Variants in PRKCZ observed in about 807,000 individuals in gnomAD.
PRKCZ encodes the protein protein kinase C zeta.
In PRKCZ, 33 loss-of-function variants were observed where a neutral mutation model predicts 79.5. That is an observed-to-expected ratio of 0.41 (90% CI 0.31 to 0.55). PRKCZ has a LOEUF of 0.55. Among genes scored for constraint, PRKCZ ranks in the 20% least tolerant of loss-of-function variants. PRKCZ has a pLI of 0.19. For missense variants in PRKCZ, 578 were observed against 813.5 expected, an observed-to-expected ratio of 0.71 and a Z score of 3.52; for synonymous variants, 342 against 320.9, an observed-to-expected ratio of 1.07 and a Z score of -0.70.
chr1:2,171,989 A>G (rs1000602080), intron 11 of PRKCZ, 66 bp from the exon 12 acceptor site: 1 of 1,523,918 alleles, frequency 6.6e-7, no homozygotes, highest in African/African-American at 1.4e-5. Flanking sequence ...TGTGGCCCCC[A>G]GGCTGGAGCT....
chr1:2,090,814 A>G (rs568527719), intron 4 of PRKCZ, among the ~76,000 whole-genome samples: 1 of 152,306 alleles, frequency 6.6e-6, no homozygotes, highest in Non-Finnish European at 1.5e-5. Flanking sequence ...TGGTTTTAAC[A>G]TTTGGTTTAC....
At position 2,167,556 on chromosome 1, in the gene PRKCZ, C is replaced by CA. The variant is rs1167621980; in HGVS notation, c.975-1956dup. Among the ~76,000 whole-genome samples, 5 of 152,170 alleles carry CA rather than the reference C, an allele frequency of 3.3e-5. No individual in the cohort carries two copies. In the East Asian group the frequency reaches 5.8e-4, roughly 18 times the overall value. On this transcript the variant is annotated intron_variant, in intron 10 of 17. Coordinates refer to ENST00000378567, the MANE Select transcript of PRKCZ (RefSeq NM_002744.6). ...CATTGGGGCGTGTAACTCCTGGTGGCAAAAAATGTGCGGTGAAGTCACCCT... is the reference window on the plus strand; with the variant it reads ...CATTGGGGCGTGTAACTCCTGGTGGCAAAAAAATGTGCGGTGAAGTCACCCT...
chr1:2,068,909 G>T (rs1661338157), intron 4 of PRKCZ, among the ~76,000 whole-genome samples: 2 of 152,198 alleles, frequency 1.3e-5, no homozygotes, highest in Admixed American at 1.3e-4. Flanking sequence ...CCGGTGCTCA[G>T]CGGAACTGAG....
intron 4 of PRKCZ, among the ~76,000 whole-genome samples, chr1:2,078,809 G>C (rs531289208): frequency 6.7e-6 from 1 of 149,718 alleles, no homozygotes; most frequent in East Asian, 1.9e-4. Flanking sequence ...CCTTGTTCCC[G>C]TTCTTGTCTT....
rs541385069 is a variant in PRKCZ at position 2,066,169 on chromosome 1, C to G, written c.334+6578C>G. On this transcript the variant is annotated intron_variant, in intron 4 of 17. Coordinates refer to ENST00000378567, the MANE Select transcript of PRKCZ (RefSeq NM_002744.6). Reference sequence around the variant, plus strand: ...ACTCAATGGTCAGAGGCTTTCTTGTCGTGACTTTGTTGGGCTTTGGTGTCA... The same window carrying G: ...ACTCAATGGTCAGAGGCTTTCTTGTGGTGACTTTGTTGGGCTTTGGTGTCA... 2.0e-4 allele frequency among the ~76,000 whole-genome samples: 31 copies of G among 152,246 alleles called. 3 individuals are homozygous for G. The South Asian group carries it at 6.0e-3, about 30-fold the overall frequency.
Position 2,075,979 on chromosome 1 carries a change from A to G in PRKCZ, c.334+16388A>G, listed in dbSNP as rs1007824551. On this transcript the variant is annotated intron_variant, in intron 4 of 17. Transcript: ENST00000378567. This position sits in a 1 kb window ranked among gnomAD's most constrained non-coding sequence, Gnocchi z 4.8. ...CTGTTGGGGGGCGGGAGGACCATCC[A>G]TGGGGTCAGGCACCAACCTCTGCTG... Among the ~76,000 whole-genome samples the G allele has an allele frequency of 6.6e-6, 1 of 152,230 alleles. No individual in the cohort carries two copies. Among genetic ancestry groups the G allele is most frequent in the African/African-American group, 2.4e-5 (1 of 41,462 alleles).
chr1:2,184,482 T>C, intron 16 of PRKCZ, 101 bp from the exon 17 acceptor site: 2 of 808,542 alleles, frequency 2.5e-6, no homozygotes, highest in Non-Finnish European at 3.9e-6. Context: ...AATGCTGACT[T>C]TCTCACTGTT....
intron 10 of PRKCZ, among the ~76,000 whole-genome samples, chr1:2,163,717 C>T (rs1466646478): frequency 1.3e-5 from 2 of 149,918 alleles, no homozygotes; most frequent in East Asian, 2.0e-4. Flanking sequence ...AGTGAAGCCC[C>T]GTCTCTACTA....
Position 2,148,929 on chromosome 1 carries a change from GTGTGTGGAGCAGCTCGC to G in PRKCZ, c.687+8_687+24del. 1 of 1,613,746 alleles carries G rather than the reference GTGTGTGGAGCAGCTCGC, an allele frequency of 6.2e-7. No homozygotes were observed. The highest frequency in any genetic ancestry group is 1.7e-5 in the Admixed American group (1 of 60,014). ...AGCATTAAAGACGACTCGGAGGTGA[GTGTGTGGAGCAGCTCGC>G]TGCCATTTCCGACGTCCTCTGGAAA... On this transcript the variant is annotated splice_donor_region_variant and intron_variant, in intron 8 of 17. Coordinates refer to ENST00000378567, the MANE Select transcript of PRKCZ (RefSeq NM_002744.6).
chr1:2,184,340 C>G lies in PRKCZ; in HGVS notation c.1576-243C>G, dbSNP rs1687207302. The G allele has an allele frequency of 6.7e-6, 3 of 446,858 alleles. No individual in the cohort carries two copies. The Admixed American group carries it at 1.1e-4, about 17-fold the overall frequency. The allele number at this position is 446,858 out of a possible 1,614,324, so 27.7% of individuals were successfully genotyped here. A position where few individuals can be genotyped will look rare whatever the true frequency, so the allele number is the denominator to read the frequency against. On this transcript the variant is annotated intron_variant, in intron 16 of 17. Transcript: ENST00000378567. ...CGCATGGGTGGCTGGGGATCCTGCT[C>G]CGTCCCACATGTGGCCAGCATGGCC...
chr1:2,151,774 A>G (rs1044854266), intron 9 of PRKCZ, among the ~76,000 whole-genome samples: 2 of 152,106 alleles, frequency 1.3e-5, no homozygotes, highest in Non-Finnish European at 2.9e-5. Flanking sequence ...CTCCCACTTC[A>G]GCCTCTGGAG....
Position 2,173,510 on chromosome 1 carries a change from A to G in PRKCZ, c.1286-387A>G, listed in dbSNP as rs142712984. Among the ~76,000 whole-genome samples, 12 of 152,356 alleles carry G rather than the reference A, an allele frequency of 7.9e-5. No individual in the cohort carries two copies. The highest frequency in any genetic ancestry group is 1.2e-4 in the Non-Finnish European group (8 of 68,042). ...TTTTTAAAAAACAAAATGGCTGTAGAAGGAAACACAGGAGAGTATTTCCGT... is the reference window on the plus strand; with the variant it reads ...TTTTTAAAAAACAAAATGGCTGTAGGAGGAAACACAGGAGAGTATTTCCGT... On this transcript the variant is annotated intron_variant, in intron 13 of 17. Coordinates refer to ENST00000378567, the MANE Select transcript of PRKCZ (RefSeq NM_002744.6). The surrounding 1 kb of genome is among the most constrained non-coding windows in gnomAD (Gnocchi z 5.7).
At chr1:2,120,711 G>A (rs887510330) in intron 4 of PRKCZ, among the ~76,000 whole-genome samples, 5 of 151,910 alleles carry the variant, frequency 3.3e-5, no homozygotes, top group East Asian at 1.9e-4. Context: ...GTTTTTTCCC[G>A]CTTTGTGCTT....
chr1:2,164,430 G>A (rs1682933763), intron 10 of PRKCZ, among the ~76,000 whole-genome samples: 1 of 152,224 alleles, frequency 6.6e-6, no homozygotes, highest in African/African-American at 2.4e-5. Context: ...CTGCAGTGTG[G>A]CTGCACAGTC....
chr1:2,138,261 A>G (rs1676625730), intron 5 of PRKCZ, among the ~76,000 whole-genome samples: 1 of 152,234 alleles, frequency 6.6e-6, no homozygotes, highest in Admixed American at 6.5e-5. Flanking sequence ...AAGAGTGGGC[A>G]TCCGTCGCTG....
At chr1:2,081,695 C>A (rs1002957532) in intron 4 of PRKCZ, among the ~76,000 whole-genome samples, 1 of 152,158 alleles carries the variant, frequency 6.6e-6, no homozygotes, top group African/African-American at 2.4e-5. Context: ...TACTCTTCTC[C>A]CAGCTGAGTT....
chr1:2,057,026 C>G (rs1434294706), intron 3 of PRKCZ, among the ~76,000 whole-genome samples: 5 of 152,212 alleles, frequency 3.3e-5, no homozygotes, highest in Admixed American at 1.3e-4. Context: ...CCGCGCCCGG[C>G]CTTTTCTTTG....
At chr1:2,131,432 C>A (rs554286184) in intron 4 of PRKCZ, among the ~76,000 whole-genome samples, 83 of 152,308 alleles carry the variant, frequency 5.4e-4, no homozygotes, top group African/African-American at 1.6e-3. Flanking sequence ...CAGGTTGGGG[C>A]AACTCCCTTC....
intron 4 of PRKCZ, among the ~76,000 whole-genome samples, chr1:2,070,680 G>T (rs938222582): frequency 1.3e-5 from 2 of 151,992 alleles, no homozygotes; most frequent in Non-Finnish European, 2.9e-5. Context: ...AGCCATGTGG[G>T]TGGAGCCATG....
Sources: allele counts gnomAD v4.1 joint callset (sites outside exome capture counted in the v4.1 genomes callset), GRCh38; gene constraint gnomAD v4.1.1; non-coding constraint Gnocchi (gnomAD v3.1); transcripts MANE v1.5; gene names NCBI Gene and HGNC (gene_info 2026-07-23, HGNC 2026-07-21).